The following GCC2 variants were observed in gnomAD, a reference collection of about 807,000 sequenced individuals.
The protein encoded by GCC2 is GRIP and coiled-coil domain-containing protein 2.
GCC2 carries 120 observed loss-of-function variants against 210.6 expected under a neutral mutation model. That is an observed-to-expected ratio of 0.57 (90% CI 0.49 to 0.66). The LOEUF (loss-of-function observed/expected upper bound fraction) is 0.66, where lower values mean the gene tolerates loss of function less well. Among genes scored for constraint, GCC2 ranks in the 30% least tolerant of loss-of-function variants. The pLI is 0.00. For missense variants in GCC2, 1,868 were observed against 1,871.9 expected (o/e 1.00, Z 0.04); for synonymous variants, 703 against 652.7 (o/e 1.08, Z -1.17).
chr2:108,487,569 A>T, intron 16 of GCC2, 130 bp from the exon 17 acceptor site: 1 of 872,510 alleles, frequency 1.1e-6, no homozygotes, highest in East Asian at 2.6e-5. Flanking sequence ...TTAATCAAGA[A>T]ACCAAAAAGA....
chr2:108,486,399 T>C, intron 15 of GCC2, 112 bp from the exon 16 acceptor site: 1 of 931,936 alleles, frequency 1.1e-6, no homozygotes, highest in African/African-American at 1.6e-5. Context: ...CACTACTTAA[T>C]TATGCCTTAT....
chr2:108,477,833 G>A (rs1201688089), intron 9 of GCC2, among the ~76,000 whole-genome samples: 2 of 152,108 alleles, frequency 1.3e-5, no homozygotes, highest in Non-Finnish European at 2.9e-5. Context: ...GTCACTTGAG[G>A]CCAGGAGTTT....
At chr2:108,452,003 C>G (rs1679974030) in intron 3 of GCC2, among the ~76,000 whole-genome samples, 1 of 152,098 alleles carries the variant, frequency 6.6e-6, no homozygotes, top group Non-Finnish European at 1.5e-5. Context: ...ACCACCATGC[C>G]TGGCTAATTT....
chr2:108,470,499 A>G lies in GCC2; in HGVS notation c.1170A>G (p.Leu390=), dbSNP rs1225559696. The G allele has an allele frequency of 3.1e-6, 5 of 1,609,818 alleles. No individual in the cohort carries two copies. The highest frequency in any genetic ancestry group is 1.7e-5 in the Admixed American group (1 of 59,590). ...ACTTAGAGTTTAAAATTAATGAATT[A>G]TTACTAGCTAAAGAAGAACAGGGCT... ...REDLEFKINE[L]LLAKEEQGCV... Residue 390 remains leucine, a synonymous_variant, in exon 6 of 23, where the codon TTA becomes TTG. Coordinates refer to ENST00000309863, the MANE Select transcript of GCC2 (RefSeq NM_181453.4).
intron 2 of GCC2, chr2:108,449,921 C>G: frequency 1.9e-6 from 1 of 531,310 alleles, no homozygotes; most frequent in Non-Finnish European, 3.4e-6. Flanking sequence ...GCTGGGAGAT[C>G]CTGCTATTTT....
chr2:108,451,287 A>G (rs1679930197), intron 3 of GCC2, among the ~76,000 whole-genome samples, 175 bp downstream of exon 3: 1 of 152,246 alleles, frequency 6.6e-6, no homozygotes, highest in Non-Finnish European at 1.5e-5. Flanking sequence ...TGATTTCTAA[A>G]TTATTCCCAC....
At chr2:108,499,058 T>C (rs1015463277) in intron 21 of GCC2, among the ~76,000 whole-genome samples, 1 of 97,994 alleles carries the variant, frequency 1.0e-5, no homozygotes, top group African/African-American at 3.4e-5. Context: ...AACCCCAGTA[T>C]TTACACAGGA....
At chr2:108,504,878 A>G (rs1683108812) in intron 22 of GCC2, among the ~76,000 whole-genome samples, 2 of 152,192 alleles carry the variant, frequency 1.3e-5, no homozygotes, top group African/African-American at 4.8e-5. Flanking sequence ...AAGACGAAAA[A>G]AAAGCCCAGC....
chr2:108,492,004 T>C (rs2577599), intron 18 of GCC2, among the ~76,000 whole-genome samples: 100,513 of 151,738 alleles, frequency 0.66, 33,979 homozygotes, highest in East Asian at 0.96. Context: ...CAACAAGGTA[T>C]TCCAGTGATT....
intron 4 of GCC2, among the ~76,000 whole-genome samples, chr2:108,465,732 A>G (rs796171014): frequency 3.3e-5 from 5 of 152,324 alleles, no homozygotes; most frequent in African/African-American, 1.2e-4. Flanking sequence ...GGATTGAATG[A>G]TAGATCTATG....
intron 4 of GCC2, among the ~76,000 whole-genome samples, chr2:108,464,458 G>T (rs7601939): frequency 0.22 from 34,026 of 152,144 alleles, 4,224 homozygotes; most frequent in African/African-American, 0.32. Context: ...TGAGCTCTCT[G>T]GAGCAATGCC....
chr2:108,476,531 A>T (rs1455944225), intron 9 of GCC2, among the ~76,000 whole-genome samples: 2 of 152,234 alleles, frequency 1.3e-5, no homozygotes, highest in Non-Finnish European at 2.9e-5. Flanking sequence ...TGGAGGCAAT[A>T]TGCTTATTCA....
chr2:108,487,511 G>A (rs1682202930), intron 16 of GCC2, among the ~76,000 whole-genome samples, 188 bp from the exon 17 acceptor site: 1 of 152,082 alleles, frequency 6.6e-6, no homozygotes, highest in African/African-American at 2.4e-5. Flanking sequence ...CAATTAAAAA[G>A]AAAATTTTTT....
chr2:108,476,619 T>A (rs895503042), intron 9 of GCC2, among the ~76,000 whole-genome samples: 2 of 152,062 alleles, frequency 1.3e-5, no homozygotes, highest in African/African-American at 4.8e-5. Flanking sequence ...AACATGAAAA[T>A]GTATTATTAA....
chr2:108,486,328 G>T (rs1161918671), intron 15 of GCC2, 183 bp from the exon 16 acceptor site: 8 of 626,406 alleles, frequency 1.3e-5, no homozygotes, highest in East Asian at 2.9e-5. Context: ...TTTAAGAAAA[G>T]ATAACTTAGA....
chr2:108,479,261 G>A (rs183897802), intron 9 of GCC2, among the ~76,000 whole-genome samples: 2 of 152,306 alleles, frequency 1.3e-5, no homozygotes, highest in Admixed American at 1.3e-4. Context: ...AATTCAGATT[G>A]TAACAGTCAG....
At chr2:108,468,088 G>A (rs1479922620) in intron 4 of GCC2, among the ~76,000 whole-genome samples, 1 of 146,944 alleles carries the variant, frequency 6.8e-6, no homozygotes, top group African/African-American at 2.5e-5. Flanking sequence ...TTGACACATA[G>A]TCTTGCTCTG....
In GCC2 at chr2:108,471,947, T is replaced by G; in HGVS notation, c.2618T>G (p.Leu873Arg). 6.2e-7 allele frequency: 1 copy of G among 1,604,072 alleles called. No homozygotes were observed. The highest frequency in any genetic ancestry group is 8.5e-7 in the Non-Finnish European group (1 of 1,177,364). Residue 873 changes from leucine to arginine, a missense_variant, in exon 6 of 23, where the codon CTT becomes CGT. Physicochemically the swap from Leu to Arg is moderately radical, Grantham distance 102 (BLOSUM62 -2). This residue lies in a region of GCC2 where 1,847 missense variants were observed against 1,765.2 expected (regional missense o/e 1.05). Coordinates refer to ENST00000309863, the MANE Select transcript of GCC2 (RefSeq NM_181453.4). ...EMKNANEKTR[L>R]ENQNLLIQVE... ...AAGAATGCTAATGAAAAAACAAGGC[T>G]TGAAAATCAGAATCTTTTAATTCAA...
At position 108,481,715 on chromosome 2, in the gene GCC2, GA is replaced by G; in HGVS notation, c.3083del (p.Lys1028SerfsTer27). The G allele has an allele frequency of 6.3e-7, 1 of 1,593,830 alleles. No homozygotes were observed. Among genetic ancestry groups the G allele is most frequent in the Non-Finnish European group, 8.5e-7 (1 of 1,171,478 alleles). On this transcript the variant is annotated frameshift_variant, in exon 10 of 23. Coordinates refer to ENST00000309863, the MANE Select transcript of GCC2 (RefSeq NM_181453.4). LOFTEE classifies it high-confidence loss of function. ...ATTGAAGAATCTTTTATTAGAATAT[GA>G]AAAGCAGTCAGAGCAACTGGATGTG... Reference protein sequence around the residue: ...ESYKNLLLEYEKQSEQLDVEK... With the variant: ...ESYKNLLLEYXKQSEQLDVEK...
Sources: gnomAD v4.1 joint callset for allele counts (sites outside exome capture counted in the v4.1 genomes callset) on GRCh38, gnomAD v4.1.1 for gene constraint, gnomAD v4.1.1 regional missense constraint, MANE v1.5 for transcripts, NCBI Gene and HGNC (gene_info 2026-07-23, HGNC 2026-07-21) for gene names.